MACROD2: variants seen among roughly 807,000 people sequenced by gnomAD.
MACROD2 encodes the protein ADP-ribose glycohydrolase MACROD2.
A neutral mutation model predicts 70.4 loss-of-function variants in MACROD2; 36 were observed. The observed-to-expected ratio is 0.51, with a 90% CI of 0.39 to 0.68. The LOEUF is 0.68. Ranked by LOEUF, MACROD2 falls within the 30% of genes least tolerant of loss-of-function variation. The pLI, the probability that MACROD2 is intolerant of heterozygous loss-of-function variation, is 0.00. For synonymous variants in MACROD2, 172 were observed against 178.8 expected, an observed-to-expected ratio of 0.96 and a Z score of 0.30; for missense variants, 496 against 538.4, an observed-to-expected ratio of 0.92 and a Z score of 0.78.
chr20:14,384,061 C>A (rs1248399878), intron 3 of MACROD2, among the ~76,000 whole-genome samples: 1 of 152,016 alleles, frequency 6.6e-6, no homozygotes, highest in Non-Finnish European at 1.5e-5. Flanking sequence ...TTTTCATATG[C>A]TTCTTGTAAA....
chr20:15,689,480 G>C (rs2050271989), intron 8 of MACROD2, among the ~76,000 whole-genome samples: 1 of 152,132 alleles, frequency 6.6e-6, no homozygotes, highest in Admixed American at 6.6e-5. Context: ...GCTTCATGTA[G>C]ACAAGGTGAT....
At chr20:15,244,423 T>G (rs902389866) in intron 6 of MACROD2, among the ~76,000 whole-genome samples, 2 of 152,048 alleles carry the variant, frequency 1.3e-5, no homozygotes, top group African/African-American at 4.8e-5. Context: ...TAAGTGATGG[T>G]TTTTGTACCT....
intron 8 of MACROD2, among the ~76,000 whole-genome samples, chr20:15,848,310 C>A (rs2064257021): frequency 6.6e-6 from 1 of 152,020 alleles, no homozygotes; most frequent in South Asian, 2.1e-4. Context: ...AGCCCCCGTG[C>A]AGGATCTGGT....
At position 14,718,422 on chromosome 20, in the gene MACROD2, C is replaced by T. The variant is rs148895782; in HGVS notation, c.418+33463C>T. 1.5e-3 allele frequency among the ~76,000 whole-genome samples: 225 copies of T among 151,596 alleles called. 2 individuals are homozygous for T. The highest frequency in any genetic ancestry group is 5.2e-3 in the African/African-American group (214 of 41,310). On this transcript the variant is annotated intron_variant, in intron 5 of 17. Transcript: ENST00000684519. Reference sequence around the variant, plus strand: ...GTGATTCAAACATCAGTTGTGAGGCCGAAAGAGAAGCTAGTCAACAGGTGG... The same window carrying T: ...GTGATTCAAACATCAGTTGTGAGGCTGAAAGAGAAGCTAGTCAACAGGTGG...
At chr20:15,216,683 T>G (rs1188780581) in intron 5 of MACROD2, among the ~76,000 whole-genome samples, 3 of 152,166 alleles carry the variant, frequency 2.0e-5, no homozygotes, top group Non-Finnish European at 4.4e-5. Context: ...GTAAGCTGAC[T>G]GTGACAGCGA....
chr20:15,699,591 C>T (rs555856792), intron 8 of MACROD2, among the ~76,000 whole-genome samples: 1 of 152,096 alleles, frequency 6.6e-6, no homozygotes, highest in Non-Finnish European at 1.5e-5. Flanking sequence ...GCATCAGAGC[C>T]GCCGCTGTGT....
intron 12 of MACROD2, among the ~76,000 whole-genome samples, chr20:15,957,542 T>A (rs1456159392): frequency 6.6e-6 from 1 of 152,206 alleles, no homozygotes; most frequent in Non-Finnish European, 1.5e-5. Flanking sequence ...TCTTGGTCCC[T>A]GCTCAATGCC....
Position 14,766,348 on chromosome 20 carries a change from C to A in MACROD2, c.418+81389C>A, listed in dbSNP as rs572403249. Reference sequence around the variant, plus strand: ...GTCTGTGATTGTAACTGCTCTGGCACACGGTTTTGACTATTATTAGCTGAA... The same window carrying A: ...GTCTGTGATTGTAACTGCTCTGGCAAACGGTTTTGACTATTATTAGCTGAA... On this transcript the variant is annotated intron_variant, in intron 5 of 17. Coordinates refer to ENST00000684519, the MANE Select transcript of MACROD2 (RefSeq NM_001351661.2). Among the ~76,000 whole-genome samples the A allele has an allele frequency of 2.6e-5, 4 of 152,184 alleles. 1 individual carries two copies. Among genetic ancestry groups the A allele is most frequent in the Non-Finnish European group, 5.9e-5 (4 of 68,032 alleles).
intron 9 of MACROD2, among the ~76,000 whole-genome samples, chr20:15,879,834 C>T (rs147261523): frequency 4.6e-5 from 7 of 152,138 alleles, no homozygotes; most frequent in African/African-American, 1.7e-4. Context: ...AGTCTGAGTT[C>T]AAAGGCCTGA....
At chr20:14,458,877 G>A (rs1441394950) in intron 3 of MACROD2, among the ~76,000 whole-genome samples, 1 of 152,076 alleles carries the variant, frequency 6.6e-6, no homozygotes, top group Non-Finnish European at 1.5e-5. Flanking sequence ...ATTTGGCAAG[G>A]CTGTCATCAT....
At chr20:15,295,862 A>G (rs1232589412) in intron 6 of MACROD2, among the ~76,000 whole-genome samples, 3 of 152,144 alleles carry the variant, frequency 2.0e-5, no homozygotes, top group Non-Finnish European at 4.4e-5. Context: ...CAGATAGCTC[A>G]TAATCTTCCT....
intron 8 of MACROD2, among the ~76,000 whole-genome samples, chr20:15,819,065 A>C (rs771025089): frequency 2.0e-5 from 3 of 151,924 alleles, no homozygotes; most frequent in Non-Finnish European, 4.4e-5. Flanking sequence ...CCCAAAGTAG[A>C]TGAAATCACT....
intron 4 of MACROD2, among the ~76,000 whole-genome samples, chr20:14,648,009 C>G (rs945359910): frequency 1.3e-5 from 2 of 152,140 alleles, no homozygotes; most frequent in African/African-American, 4.8e-5. Flanking sequence ...CTAAGGACCT[C>G]CACAGGCAGT....
At chr20:14,095,779 C>A (rs959738383) in intron 3 of MACROD2, among the ~76,000 whole-genome samples, 1 of 152,068 alleles carries the variant, frequency 6.6e-6, no homozygotes, top group Non-Finnish European at 1.5e-5. Flanking sequence ...ATTTAACAAC[C>A]ACATCTTGTT....
At chr20:15,637,107 T>G (rs2049382230) in intron 8 of MACROD2, among the ~76,000 whole-genome samples, 1 of 152,192 alleles carries the variant, frequency 6.6e-6, no homozygotes, top group Non-Finnish European at 1.5e-5. Flanking sequence ...CACAAAGAAC[T>G]GCAGATTTCC....
intron 10 of MACROD2, among the ~76,000 whole-genome samples, chr20:15,927,041 T>G (rs2065501188): frequency 6.6e-6 from 1 of 152,150 alleles, no homozygotes; most frequent in African/African-American, 2.4e-5. Context: ...ATTAACTAAC[T>G]ATTAATACTT....
intron 6 of MACROD2, among the ~76,000 whole-genome samples, chr20:15,337,875 C>A (rs1372776637): frequency 6.6e-6 from 1 of 151,620 alleles, no homozygotes; most frequent in Non-Finnish European, 1.5e-5. Context: ...TGTTTAAGCT[C>A]ATTTCTCTGT....
intron 4 of MACROD2, among the ~76,000 whole-genome samples, chr20:14,680,748 A>G (rs537027287): frequency 5.9e-5 from 9 of 152,304 alleles, no homozygotes; most frequent in African/African-American, 2.2e-4. Context: ...ATTGGCACAT[A>G]GGGACATTAA....
chr20:14,287,855 T>C (rs922005406), intron 3 of MACROD2, among the ~76,000 whole-genome samples: 2 of 152,148 alleles, frequency 1.3e-5, no homozygotes, highest in Admixed American at 1.3e-4. Flanking sequence ...TCACCCTCAG[T>C]TCCTTGACAT....
Sources: allele counts gnomAD v4.1 joint callset (sites outside exome capture counted in the v4.1 genomes callset), GRCh38; gene constraint gnomAD v4.1.1; transcripts MANE v1.5; gene names NCBI Gene and HGNC (gene_info 2026-07-23, HGNC 2026-07-21).